Variants in RNF13 observed in about 807,000 individuals in gnomAD.
The protein encoded by RNF13 is ring finger protein 13.
A neutral mutation model predicts 37.7 loss-of-function variants in RNF13; 19 were observed. The observed-to-expected ratio is 0.50, with a 90% CI of 0.35 to 0.74. The LOEUF is 0.74. Ranked by LOEUF, RNF13 falls within the 30% of genes least tolerant of loss-of-function variation. RNF13 has a pLI of 0.01. For missense variants in RNF13, 375 were observed against 453.0 expected (o/e 0.83, Z 1.56); for synonymous variants, 144 against 157.8 (o/e 0.91, Z 0.65).
At chr3:149,927,293 C>T (rs762855713) in intron 8 of RNF13, among the ~76,000 whole-genome samples, 4 of 152,212 alleles carry the variant, frequency 2.6e-5, no homozygotes, top group Admixed American at 6.5e-5. Flanking sequence ...CAAGGATTAT[C>T]GATGTTGTAG....
chr3:149,876,872 G>A (rs1209577237), intron 4 of RNF13, among the ~76,000 whole-genome samples: 1 of 145,106 alleles, frequency 6.9e-6, no homozygotes, highest in Non-Finnish European at 1.5e-5. Flanking sequence ...TCTGCCTCCC[G>A]GGTTCAAGCA....
chr3:149,888,432 A>G (rs1312348374), intron 4 of RNF13, among the ~76,000 whole-genome samples: 2 of 152,250 alleles, frequency 1.3e-5, no homozygotes, highest in East Asian at 1.9e-4. Context: ...AGATGTTCTC[A>G]GAAACACTGG....
At chr3:149,841,438 G>C (rs1182055031) in intron 1 of RNF13, among the ~76,000 whole-genome samples, 7 of 152,086 alleles carry the variant, frequency 4.6e-5, no homozygotes, top group Non-Finnish European at 7.4e-5. Flanking sequence ...AATAAGATTT[G>C]TAGTTTTCCC....
chr3:149,839,400 T>C (rs1448462866), intron 1 of RNF13, among the ~76,000 whole-genome samples: 4 of 116,970 alleles, frequency 3.4e-5, no homozygotes, highest in South Asian at 6.7e-4. Flanking sequence ...TCCATTTTCA[T>C]ACTGCTATGA....
At chr3:149,823,884 G>GT (rs2108319160) in intron 1 of RNF13, among the ~76,000 whole-genome samples, 1 of 152,244 alleles carries the variant, frequency 6.6e-6, no homozygotes, top group East Asian at 1.9e-4. Flanking sequence ...AGACCTTTAT[G>GT]TTTTTTGTTA....
intron 8 of RNF13, among the ~76,000 whole-genome samples, chr3:149,940,352 T>G (rs1464033171): frequency 6.6e-6 from 1 of 152,198 alleles, no homozygotes; most frequent in African/African-American, 2.4e-5. Context: ...TCATTGCTGT[T>G]ATTCATTTCA....
At chr3:149,852,452 GTCTT>G (rs1723202009) in intron 2 of RNF13, 60 bp from the exon 3 acceptor site, 3 of 635,430 alleles carry the variant, frequency 4.7e-6, no homozygotes, top group South Asian at 2.6e-5. Context: ...AATTAAATAA[GTCTT>G]TGTTTTTAAT....
At chr3:149,889,292 C>CGTGCGTGTGTGT (rs1553761925) in intron 4 of RNF13, among the ~76,000 whole-genome samples, 1 of 138,224 alleles carries the variant, frequency 7.2e-6, no homozygotes, top group African/African-American at 2.8e-5. Flanking sequence ...TTTGAGTGTG[C>CGTGCGTGTGTGT]GTGTGTGTGT....
chr3:149,823,552 G>A (rs1047221505), intron 1 of RNF13, among the ~76,000 whole-genome samples: 1 of 152,130 alleles, frequency 6.6e-6, no homozygotes, highest in Non-Finnish European at 1.5e-5. Context: ...AAGATAATCA[G>A]AAGTATGGAA....
chr3:149,835,905 C>G (rs1243645677), intron 1 of RNF13, among the ~76,000 whole-genome samples: 1 of 129,116 alleles, frequency 7.7e-6, no homozygotes, highest in East Asian at 2.0e-4. Context: ...TGCTGGATTC[C>G]CAGTACTGGG....
chr3:149,817,414 G>C (rs752506722), intron 1 of RNF13: 1 of 152,172 alleles, frequency 6.6e-6, no homozygotes, highest in Admixed American at 6.5e-5. Context: ...GATTCTCACC[G>C]TAAGAATTTT....
chr3:149,928,485 A>G (rs1718866524), intron 8 of RNF13, among the ~76,000 whole-genome samples: 1 of 152,086 alleles, frequency 6.6e-6, no homozygotes, highest in African/African-American at 2.4e-5. Flanking sequence ...CCATAGATGT[A>G]TGGTTTTATT....
intron 8 of RNF13, chr3:149,939,419 C>T: frequency 1.9e-6 from 1 of 531,520 alleles, no homozygotes; most frequent in South Asian, 1.5e-5. Context: ...TCCTCTTCTT[C>T]ATCTTCTGAC....
chr3:149,939,991 A>G (rs1720094907), intron 8 of RNF13, among the ~76,000 whole-genome samples: 1 of 152,140 alleles, frequency 6.6e-6, no homozygotes, highest in Non-Finnish European at 1.5e-5. Context: ...TGATTAGCAT[A>G]TTTAGGACAT....
chr3:149,866,058 C>CAT (rs1724787303), intron 3 of RNF13, among the ~76,000 whole-genome samples: 1 of 150,792 alleles, frequency 6.6e-6, no homozygotes, highest in Admixed American at 6.6e-5. Context: ...CTTTTTAGAC[C>CAT]ATATAGGGTA....
intron 1 of RNF13, among the ~76,000 whole-genome samples, chr3:149,839,973 G>A (rs967140655): frequency 6.6e-6 from 1 of 151,948 alleles, no homozygotes; most frequent in African/African-American, 2.4e-5. Context: ...AGAAATTGGG[G>A]CATTACCCTC....
intron 5 of RNF13, among the ~76,000 whole-genome samples, chr3:149,896,229 A>G (rs1715245905): frequency 1.3e-5 from 2 of 152,066 alleles, no homozygotes; most frequent in South Asian, 4.1e-4. Context: ...GTCAACACTC[A>G]TGATTAGAAT....
chr3:149,837,525 C>T lies in RNF13; in HGVS notation c.-16-8486C>T, dbSNP rs542845399. 2.0e-5 allele frequency among the ~76,000 whole-genome samples: 3 copies of T among 152,260 alleles called. No homozygotes were observed. The South Asian group carries it at 6.2e-4, about 32-fold the overall frequency. On this transcript the variant is annotated intron_variant, in intron 1 of 9. Transcript: ENST00000392894. Reference sequence around the variant, plus strand: ...TACAGTTCCACATCACTGGAGAGGCCTCACAATCATGGCAGAGGGTGAAAG... The same window carrying T: ...TACAGTTCCACATCACTGGAGAGGCTTCACAATCATGGCAGAGGGTGAAAG...
chr3:149,928,653 C>A (rs1452834681), intron 8 of RNF13, among the ~76,000 whole-genome samples: 1 of 152,002 alleles, frequency 6.6e-6, no homozygotes, highest in Non-Finnish European at 1.5e-5. Context: ...ATTCAGGGTC[C>A]TTTGCAATTC....
Sources: allele counts gnomAD v4.1 joint callset (sites outside exome capture counted in the v4.1 genomes callset), GRCh38; gene constraint gnomAD v4.1.1; transcripts MANE v1.5; gene names NCBI Gene and HGNC (gene_info 2026-07-23, HGNC 2026-07-21).